The following FHOD3 variants were observed in gnomAD, a reference collection of about 807,000 sequenced individuals.
The protein encoded by FHOD3 is FH1/FH2 domain-containing protein 3.
Under a neutral mutation model 173.0 loss-of-function variants are expected in FHOD3, and 90 were observed. That is an observed-to-expected ratio of 0.52 (90% CI 0.44 to 0.62). FHOD3 has a LOEUF of 0.62. Among genes scored for constraint, FHOD3 ranks in the 20% least tolerant of loss-of-function variants. The probability of loss-of-function intolerance (pLI) is 0.00; values close to 1 mark genes in which losing one functional copy is unlikely to be tolerated. For synonymous variants in FHOD3, 828 were observed against 823.0 expected (o/e 1.01, Z -0.10); for missense variants, 1,945 against 2,034.7 (o/e 0.96, Z 0.85).
chr18:36,555,044 T>C (rs2057818479), intron 5 of FHOD3, among the ~76,000 whole-genome samples: 1 of 152,194 alleles, frequency 6.6e-6, no homozygotes, highest in South Asian at 2.1e-4. Context: ...TTTCACTGAT[T>C]TCTCCTCTGA....
At chr18:36,577,770 G>A (rs544625504) in intron 6 of FHOD3, among the ~76,000 whole-genome samples, 2 of 152,348 alleles carry the variant, frequency 1.3e-5, no homozygotes, top group South Asian at 4.1e-4. Flanking sequence ...TTGGCTGCCA[G>A]GTCCCTGAGG....
At position 36,679,752 on chromosome 18, in the gene FHOD3, C is replaced by T. The variant is rs1269937778; in HGVS notation, c.1836-1684C>T. On this transcript the variant is annotated intron_variant, in intron 14 of 28. Coordinates refer to ENST00000590592, the MANE Select transcript of FHOD3 (RefSeq NM_001281740.3). Reference sequence around the variant, plus strand: ...TTGCATTATGATCAGTAAGGTAGCTCGTGTGAAACCAGTTTGTGGCATTCA... The same window carrying T: ...TTGCATTATGATCAGTAAGGTAGCTTGTGTGAAACCAGTTTGTGGCATTCA... Among the ~76,000 whole-genome samples the T allele has an allele frequency of 4.6e-5, 7 of 152,036 alleles. No homozygotes were observed. In the East Asian group the frequency reaches 5.8e-4, roughly 13 times the overall value.
At chr18:36,530,036 C>T (rs1336393954) in intron 5 of FHOD3, among the ~76,000 whole-genome samples, 1 of 151,980 alleles carries the variant, frequency 6.6e-6, no homozygotes, top group Non-Finnish European at 1.5e-5. Flanking sequence ...GGGGTGGGAA[C>T]ACATGAATCA....
chr18:36,406,126 G>A (rs144066987), intron 3 of FHOD3, among the ~76,000 whole-genome samples: 91 of 148,806 alleles, frequency 6.1e-4, no homozygotes, highest in Admixed American at 1.8e-3. Flanking sequence ...TTTTTTTAAA[G>A]CAAGGTGGCA....
chr18:36,541,284 GA>G (rs2057208513), intron 5 of FHOD3, among the ~76,000 whole-genome samples: 1 of 126,558 alleles, frequency 7.9e-6, no homozygotes, highest in African/African-American at 2.9e-5. Context: ...AAAGAAAAAA[GA>G]AAAAAAGTGT....
intron 3 of FHOD3, among the ~76,000 whole-genome samples, chr18:36,433,172 T>A (rs1012676716): frequency 6.6e-6 from 1 of 152,238 alleles, no homozygotes; most frequent in Non-Finnish European, 1.5e-5. Context: ...CTCATTGTTG[T>A]CACATAGTTT....
At chr18:36,380,644 C>CCTTTCCTTTCCTTTCCTTTCCT (rs2047730527) in intron 3 of FHOD3, among the ~76,000 whole-genome samples, 1 of 73,070 alleles carries the variant, frequency 1.4e-5, no homozygotes, top group Admixed American at 1.8e-4. Flanking sequence ...TTTCCTTTCT[C>CCTTTCCTTTCCTTTCCTTTCCT]TGTATCTCTT....
At chr18:36,682,916 G>A (rs1213937221) in intron 15 of FHOD3, among the ~76,000 whole-genome samples, 1 of 152,168 alleles carries the variant, frequency 6.6e-6, no homozygotes, top group African/African-American at 2.4e-5. Flanking sequence ...AAGTATATGT[G>A]TAATTGTAAA....
chr18:36,454,254 A>G (rs545780842), intron 3 of FHOD3, among the ~76,000 whole-genome samples: 2 of 151,988 alleles, frequency 1.3e-5, no homozygotes, highest in South Asian at 4.2e-4. Flanking sequence ...ATGGGAGGGC[A>G]TACACAGGGG....
chr18:36,607,252 C>A (rs1159724677), intron 8 of FHOD3, among the ~76,000 whole-genome samples: 2 of 152,198 alleles, frequency 1.3e-5, no homozygotes, highest in African/African-American at 2.4e-5. Context: ...ATTTTCCACA[C>A]CTGCAGAATT....
chr18:36,404,055 C>A (rs924921210), intron 3 of FHOD3, among the ~76,000 whole-genome samples: 2 of 152,280 alleles, frequency 1.3e-5, no homozygotes, highest in South Asian at 4.1e-4. Context: ...CTGAACTTCC[C>A]TGGTTTAGGT....
intron 27 of FHOD3, among the ~76,000 whole-genome samples, chr18:36,762,323 A>G (rs2042917156): frequency 6.6e-6 from 1 of 152,344 alleles, no homozygotes; most frequent in South Asian, 2.1e-4. Context: ...AGGACCTCAA[A>G]GGGACCTGCA....
At chr18:36,395,637 T>C (rs1209262121) in intron 3 of FHOD3, among the ~76,000 whole-genome samples, 1 of 152,244 alleles carries the variant, frequency 6.6e-6, no homozygotes, top group Non-Finnish European at 1.5e-5. Flanking sequence ...CCTCTGTGAC[T>C]TGTGATATCA....
intron 2 of FHOD3, among the ~76,000 whole-genome samples, chr18:36,363,718 G>A (rs1392757491): frequency 1.3e-5 from 2 of 152,134 alleles, no homozygotes; most frequent in African/African-American, 2.4e-5. Context: ...GTATTTTATT[G>A]TAATGTTGGA....
At chr18:36,473,987 C>T (rs779390961) in intron 3 of FHOD3, among the ~76,000 whole-genome samples, 1 of 152,256 alleles carries the variant, frequency 6.6e-6, no homozygotes, top group Non-Finnish European at 1.5e-5. Flanking sequence ...ACATCCCACC[C>T]TTCCTGTAGG....
chr18:36,660,193 T>C (rs914650021), intron 14 of FHOD3, among the ~76,000 whole-genome samples: 5 of 152,062 alleles, frequency 3.3e-5, no homozygotes, highest in African/African-American at 1.2e-4. Flanking sequence ...CACTTGAACC[T>C]GGGAGGTGGA....
intron 14 of FHOD3, among the ~76,000 whole-genome samples, chr18:36,681,101 T>C (rs1455368789): frequency 6.6e-6 from 1 of 152,180 alleles, no homozygotes; most frequent in African/African-American, 2.4e-5. Context: ...CGTCTTAACA[T>C]AGACCAACTG....
chr18:36,671,173 C>T (rs1032598588), intron 14 of FHOD3, among the ~76,000 whole-genome samples: 5 of 152,164 alleles, frequency 3.3e-5, no homozygotes, highest in Non-Finnish European at 7.3e-5. Context: ...CTGTATAGAC[C>T]CTTTCTGGTA....
At chr18:36,383,696 G>A (rs1297906193) in intron 3 of FHOD3, among the ~76,000 whole-genome samples, 3 of 152,162 alleles carry the variant, frequency 2.0e-5, no homozygotes, top group South Asian at 2.1e-4. Context: ...CAAAGCACTC[G>A]ACAAGTGTAT....
Sources: allele counts gnomAD v4.1 joint callset (sites outside exome capture counted in the v4.1 genomes callset), GRCh38; gene constraint gnomAD v4.1.1; transcripts MANE v1.5; gene names NCBI Gene and HGNC (gene_info 2026-07-23, HGNC 2026-07-21).